Variants in CCDC148 observed in about 807,000 individuals in gnomAD.
CCDC148 encodes the protein coiled-coil domain containing 148.
In CCDC148, 89 loss-of-function variants were observed where a neutral mutation model predicts 85.7. The observed-to-expected ratio is 1.04, with a 90% CI of 0.87 to 1.24. CCDC148 has a LOEUF of 1.24. CCDC148 is among the 50% of genes most tolerant of loss of function. The pLI, the probability that CCDC148 is intolerant of heterozygous loss-of-function variation, is 0.00. For missense variants in CCDC148, 692 were observed against 671.7 expected, an observed-to-expected ratio of 1.03 and a Z score of -0.33; for synonymous variants, 230 against 213.9, an observed-to-expected ratio of 1.08 and a Z score of -0.66.
chr2:158,198,752 G>A (rs1685803452), intron 11 of CCDC148, among the ~76,000 whole-genome samples: 1 of 152,134 alleles, frequency 6.6e-6, no homozygotes, highest in African/African-American at 2.4e-5. Context: ...ACAGTGAACT[G>A]AGTTTAAATT....
intron 9 of CCDC148, among the ~76,000 whole-genome samples, chr2:158,280,776 C>T (rs1690245641): frequency 6.6e-6 from 1 of 152,128 alleles, no homozygotes. Flanking sequence ...ACCAAGCGGA[C>T]CTAATACACA....
intron 11 of CCDC148, among the ~76,000 whole-genome samples, chr2:158,190,721 G>T (rs990593629): frequency 6.6e-6 from 1 of 151,902 alleles, no homozygotes. Flanking sequence ...TTTTGTTGAG[G>T]GTTTACCTCA....
chr2:158,452,518 C>T (rs1289593454), intron 1 of CCDC148, among the ~76,000 whole-genome samples: 1 of 152,160 alleles, frequency 6.6e-6, no homozygotes, highest in Non-Finnish European at 1.5e-5. Context: ...ATTCCTTATG[C>T]CAAAATGGCA....
At chr2:158,187,628 C>T (rs1685217424) in intron 11 of CCDC148, among the ~76,000 whole-genome samples, 1 of 152,030 alleles carries the variant, frequency 6.6e-6, no homozygotes, top group Admixed American at 6.6e-5. Flanking sequence ...TGTGACCTGT[C>T]TGCAATGCCT....
intron 2 of CCDC148, among the ~76,000 whole-genome samples, chr2:158,357,806 A>G (rs1331302432): frequency 2.0e-5 from 3 of 152,206 alleles, no homozygotes; most frequent in Non-Finnish European, 4.4e-5. Context: ...TTAAATACAA[A>G]TAACTTGTAA....
chr2:158,380,131 A>G (rs1005349146), intron 1 of CCDC148, among the ~76,000 whole-genome samples: 7 of 152,078 alleles, frequency 4.6e-5, no homozygotes, highest in African/African-American at 1.7e-4. Context: ...ACCCAGTGAC[A>G]ATTTTAGAGA....
At chr2:158,421,445 T>C (rs1047113292) in intron 1 of CCDC148, among the ~76,000 whole-genome samples, 2 of 152,094 alleles carry the variant, frequency 1.3e-5, no homozygotes, top group African/African-American at 2.4e-5. Context: ...CACTCAAAAC[T>C]GCTCAACTAT....
intron 1 of CCDC148, among the ~76,000 whole-genome samples, chr2:158,437,190 A>G (rs1055219300): frequency 3.3e-5 from 5 of 152,188 alleles, no homozygotes; most frequent in African/African-American, 1.2e-4. Context: ...AGAATTTTAG[A>G]CCAATATCCC....
At chr2:158,264,483 A>T (rs1170196471) in intron 9 of CCDC148, among the ~76,000 whole-genome samples, 1 of 152,134 alleles carries the variant, frequency 6.6e-6, no homozygotes, top group Non-Finnish European at 1.5e-5. Flanking sequence ...TGAATATTTC[A>T]AACTAAATAT....
intron 10 of CCDC148, among the ~76,000 whole-genome samples, chr2:158,244,983 A>G (rs891226570): frequency 6.6e-6 from 1 of 152,174 alleles, no homozygotes; most frequent in Non-Finnish European, 1.5e-5. Context: ...TCAGTATACT[A>G]TTAGAATAAA....
chr2:158,405,629 A>C (rs1685965175), intron 1 of CCDC148, among the ~76,000 whole-genome samples: 1 of 152,196 alleles, frequency 6.6e-6, no homozygotes, highest in South Asian at 2.1e-4. Context: ...ATTTATGTGA[A>C]TAAAATGTGT....
intron 9 of CCDC148, among the ~76,000 whole-genome samples, chr2:158,286,760 T>C (rs1690644798): frequency 6.6e-6 from 1 of 152,140 alleles, no homozygotes; most frequent in Non-Finnish European, 1.5e-5. Context: ...TAAAAGGTAC[T>C]GGGACAACTG....
intron 9 of CCDC148, among the ~76,000 whole-genome samples, chr2:158,296,116 C>T (rs1002677580): frequency 2.6e-5 from 4 of 152,176 alleles, no homozygotes; most frequent in African/African-American, 7.2e-5. Context: ...AGGGATACTA[C>T]ATTTGGTGTC....
chr2:158,270,662 G>C (rs1689657231), intron 9 of CCDC148, among the ~76,000 whole-genome samples: 2 of 152,174 alleles, frequency 1.3e-5, no homozygotes, highest in Non-Finnish European at 2.9e-5. Flanking sequence ...GCACGAGAAA[G>C]CTAGTCTATT....
chr2:158,316,476 C>T (rs1692287773), intron 7 of CCDC148, among the ~76,000 whole-genome samples: 1 of 152,142 alleles, frequency 6.6e-6, no homozygotes, highest in Non-Finnish European at 1.5e-5. Flanking sequence ...CCATTTTGAC[C>T]TTCTTGTTGA....
chr2:158,451,730 C>T (rs1296569152), intron 1 of CCDC148, among the ~76,000 whole-genome samples: 11 of 151,748 alleles, frequency 7.2e-5, no homozygotes, highest in Non-Finnish European at 1.5e-4. Flanking sequence ...AATTCTTTTG[C>T]CTAACTCAGG....
At chr2:158,302,507 C>T (rs949877905) in intron 9 of CCDC148, among the ~76,000 whole-genome samples, 10 of 152,088 alleles carry the variant, frequency 6.6e-5, no homozygotes, top group Admixed American at 5.2e-4. Flanking sequence ...TTATGAGGGC[C>T]GGGAGCGGTG....
intron 9 of CCDC148, among the ~76,000 whole-genome samples, chr2:158,269,163 C>T (rs1689594414): frequency 6.6e-6 from 1 of 152,050 alleles, no homozygotes; most frequent in East Asian, 1.9e-4. Flanking sequence ...ATGGCTGTAC[C>T]AATTTACATG....
chr2:158,437,408 C>G (rs1447409643), intron 1 of CCDC148, among the ~76,000 whole-genome samples: 1 of 152,094 alleles, frequency 6.6e-6, no homozygotes, highest in Non-Finnish European at 1.5e-5. Context: ...GCAGAAAAGG[C>G]CTTTGACAAA....
Sources: gnomAD v4.1 joint callset for allele counts (sites outside exome capture counted in the v4.1 genomes callset) on GRCh38, gnomAD v4.1.1 for gene constraint, MANE v1.5 for transcripts, NCBI Gene and HGNC (gene_info 2026-07-23, HGNC 2026-07-21) for gene names.